Variants in PREB observed in about 807,000 individuals in gnomAD.
PREB encodes prolactin regulatory element binding.
In PREB, 29 loss-of-function variants were observed where a neutral mutation model predicts 46.7. The ratio of observed to expected loss-of-function variants is 0.62; its 90% CI spans 0.46 to 0.85. The LOEUF (loss-of-function observed/expected upper bound fraction) is 0.85, where lower values mean the gene tolerates loss of function less well. Among genes scored for constraint, PREB ranks in the 40% least tolerant of loss-of-function variants. The pLI is 0.00. For synonymous variants in PREB, 224 were observed against 220.1 expected (o/e 1.02, Z -0.16); for missense variants, 494 against 528.4 (o/e 0.93, Z 0.64).
intron 1 of PREB, chr2:27,133,977 GC>G: frequency 1.7e-6 from 1 of 601,818 alleles, no homozygotes; most frequent in East Asian, 2.9e-5. Flanking sequence ...CACTCTCGCC[GC>G]TGCTAGAGGG....
chr2:27,134,095 C>A (rs1057001182), intron 1 of PREB, 192 bp downstream of exon 1: 22 of 790,334 alleles, frequency 2.8e-5, no homozygotes, highest in Middle Eastern at 3.8e-4. Flanking sequence ...TTTCACTTTA[C>A]CTTAAAAGCC....
Position 27,132,149 on chromosome 2 carries a change from G to T in PREB, c.927-67C>A. ...GCAGCAACCCTCATACCCCAATACC[G>T]GTCCGTAGGGACCCAGGCAGGACTC... On this transcript the variant is annotated intron_variant, in intron 6 of 8. Transcript: ENST00000260643. The surrounding 1 kb of genome is among the most constrained non-coding windows in gnomAD (Gnocchi z 4.0). 6.2e-7 allele frequency: 1 copy of T among 1,608,398 alleles called. No individual in the cohort carries two copies. Among genetic ancestry groups the T allele is most frequent in the South Asian group, 1.1e-5 (1 of 90,914 alleles).
In PREB at chr2:27,132,132, C is replaced by T. The variant is rs752824411; in HGVS notation, c.927-50G>A. On this transcript the variant is annotated intron_variant, in intron 6 of 8. Coordinates refer to ENST00000260643, the MANE Select transcript of PREB (RefSeq NM_013388.6). The surrounding 1 kb of genome is among the most constrained non-coding windows in gnomAD (Gnocchi z 4.0). ...TTGTCCTGGAGGCTTGTGCAGCAAC[C>T]CTCATACCCCAATACCGGTCCGTAG... 2.5e-6 allele frequency: 4 copies of T among 1,610,136 alleles called. No individual in the cohort carries two copies. Among genetic ancestry groups the T allele is most frequent in the Admixed American group, 3.3e-5 (2 of 60,016 alleles).
Position 27,131,789 on chromosome 2 carries a change from C to T in PREB, c.1042G>A (p.Asp348Asn), listed in dbSNP as rs1361345793. The change falls in exon 8 of 9, where the codon GAT becomes AAT. Residue 348 changes from aspartate to asparagine, a missense_variant. Transcript: ENST00000260643. ...VREAHGIVVT[D>N]VAFLPEKGRG... is the part of the protein sequence containing the mutation. ...CCCTTCTCAGGTAGAAAGGCCACATCCGTCACCACAATGCCATGGGCCTCC... is the reference window on the plus strand; with the variant it reads ...CCCTTCTCAGGTAGAAAGGCCACATTCGTCACCACAATGCCATGGGCCTCC... The T allele has an allele frequency of 6.8e-6, 11 of 1,614,176 alleles. No individual in the cohort carries two copies. The highest frequency in any genetic ancestry group is 9.3e-6 in the Non-Finnish European group (11 of 1,180,012).
Position 27,132,320 on chromosome 2 carries a change from G to A in PREB, c.836C>T (p.Pro279Leu), listed in dbSNP as rs1222110125. Reference protein sequence around the residue: ...IPHKRLRQPPPCYLTAWDGSN... With the variant: ...IPHKRLRQPPLCYLTAWDGSN... ...GCCATCCCAGGCTGTGAGGTAGCAG[G>A]GAGGGGGCTGGCGCAGGCGCTTGTG... The change falls in exon 6 of 9, where the codon CCC (proline) becomes CTC (leucine). Residue 279 changes from proline (P) to leucine (L), a missense_variant. Pro to Leu is a moderately conservative substitution (Grantham distance 98). Transcript: ENST00000260643. The surrounding 1 kb of genome is among the most constrained non-coding windows in gnomAD (Gnocchi z 4.0). 3 of 1,614,138 alleles carry A rather than the reference G, an allele frequency of 1.9e-6. No homozygotes were observed. The highest frequency in any genetic ancestry group is 2.5e-6 in the Non-Finnish European group (3 of 1,179,992).
rs1372544045 is a variant in PREB at position 27,132,903 on chromosome 2, A to G, written c.567T>C (p.Val189=). The G allele has an allele frequency of 2.5e-6, 4 of 1,613,812 alleles. No individual in the cohort carries two copies. Among genetic ancestry groups the G allele is most frequent in the Non-Finnish European group, 1.7e-6 (2 of 1,179,992 alleles). The change falls in exon 4 of 9, where the codon GTT becomes GTC. Residue 189 remains valine (V), a synonymous_variant. Coordinates refer to ENST00000260643, the MANE Select transcript of PREB (RefSeq NM_013388.6). This position sits in a 1 kb window ranked among gnomAD's most constrained non-coding sequence, Gnocchi z 4.0. The part of the protein sequence containing the change: ...RVWKVPSLEK[V]LEFKAHEGEI... ...CCCCTTCGTGGGCTTTGAACTCCAG[A>G]ACCTTCTCCAGGCTGGGCACCTGTA...
In PREB at chr2:27,133,725, T is replaced by G; in HGVS notation, c.136-4A>C. ...TCAGCTCTAGCTGCAGAAAGTGCTGTGGGAGGGGGAACCCGGATGAGCAAG... is the reference window on the plus strand; with the variant it reads ...TCAGCTCTAGCTGCAGAAAGTGCTGGGGGAGGGGGAACCCGGATGAGCAAG... On this transcript the variant is annotated splice_region_variant and splice_polypyrimidine_tract_variant and intron_variant, in intron 1 of 8. Coordinates refer to ENST00000260643, the MANE Select transcript of PREB (RefSeq NM_013388.6). The G allele has an allele frequency of 6.2e-7, 1 of 1,613,354 alleles. No individual in the cohort carries two copies. Among genetic ancestry groups the G allele is most frequent in the Non-Finnish European group, 8.5e-7 (1 of 1,179,628 alleles).
Position 27,132,521 on chromosome 2 carries a change from G to C in PREB, c.752+82C>G, listed in dbSNP as rs1672322945. ...GTAACACTCAACAAGTTCCTCCCCA[G>C]CTCTCCCATCCCCAGTCTTTTCCCT... is the stretch of plus-strand genomic sequence containing the variant. On this transcript the variant is annotated intron_variant, in intron 5 of 8. Coordinates refer to ENST00000260643, the MANE Select transcript of PREB (RefSeq NM_013388.6). This position sits in a 1 kb window ranked among gnomAD's most constrained non-coding sequence, Gnocchi z 4.0. 2 of 1,599,810 alleles carry C rather than the reference G, an allele frequency of 1.3e-6. No homozygotes were observed. The highest frequency in any genetic ancestry group is 3.4e-5 in the Admixed American group (2 of 59,572).
Position 27,131,334 on chromosome 2 carries a change from G to A in PREB, c.*80C>T. 1 of 1,298,932 alleles carries A rather than the reference G, an allele frequency of 7.7e-7. No homozygotes were observed. Among genetic ancestry groups the A allele is most frequent in the Non-Finnish European group, 1.1e-6 (1 of 919,238 alleles). 80.5% of individuals were successfully genotyped at this position (1,298,932 alleles called of 1,614,324 possible). ...AACCTCAGCTGTGGACCCGAATGGA[G>A]TGAGCAAAGGGAGTCCAGGCCTCCA... On this transcript the variant is annotated 3_prime_UTR_variant, in exon 9 of 9. Coordinates refer to ENST00000260643, the MANE Select transcript of PREB (RefSeq NM_013388.6).
chr2:27,131,536 CG>C (rs748420170), intron 8 of PREB, 28 bp from the exon 9 acceptor site: 14 of 1,598,240 alleles, frequency 8.8e-6, no homozygotes, highest in Non-Finnish European at 1.1e-5. Flanking sequence ...AGGAGGTCAG[CG>C]GGCAAAAGGG....
At position 27,133,666 on chromosome 2, in the gene PREB, G is replaced by A. The variant is rs767252875; in HGVS notation, c.191C>T (p.Ser64Phe). ...GGTGGCCCGTGTCTCTGTGTCATGGGAGTGCAGCAAGGAGGCACTCAAGCG... is the reference window on the plus strand; with the variant it reads ...GGTGGCCCGTGTCTCTGTGTCATGGAAGTGCAGCAAGGAGGCACTCAAGCG... ...NGRLSASLLHSHDTETRATMN... is the reference protein window; with the variant it reads ...NGRLSASLLHFHDTETRATMN... Residue 64 changes from serine (S) to phenylalanine (F), a missense_variant, in exon 2 of 9, where the codon TCC becomes TTC. Coordinates refer to ENST00000260643, the MANE Select transcript of PREB (RefSeq NM_013388.6). 6.2e-7 allele frequency: 1 copy of A among 1,614,208 alleles called. No homozygotes were observed. Among genetic ancestry groups the A allele is most frequent in the Non-Finnish European group, 8.5e-7 (1 of 1,180,042 alleles).
intron 7 of PREB, 33 bp from the exon 8 acceptor site, chr2:27,131,864 C>A (rs1343405782): frequency 1.2e-6 from 2 of 1,609,248 alleles, no homozygotes; most frequent in Admixed American, 1.7e-5. Flanking sequence ...TGAGGAAAGG[C>A]CTAGCTGGGA....
In PREB at chr2:27,134,476, G is replaced by A. The variant is rs1018862046; in HGVS notation, c.-55C>T. The A allele has an allele frequency of 2.1e-4, 298 of 1,428,918 alleles. No individual in the cohort carries two copies. The highest frequency in any genetic ancestry group is 2.7e-4 in the Non-Finnish European group (297 of 1,101,886). The allele number at this position is 1,428,918 out of a possible 1,614,324, so 88.5% of individuals were successfully genotyped here. On this transcript the variant is annotated 5_prime_UTR_variant, in exon 1 of 9. Transcript: ENST00000260643. ...CGCGGCACCCAGGACATGCCGCGCC[G>A]GGCCTTCGACTACTGCCCCGGCGGC...
Position 27,132,829 on chromosome 2 carries a change from C to T in PREB, c.627+14G>A. 6.2e-7 allele frequency: 1 copy of T among 1,613,974 alleles called. No individual in the cohort carries two copies. The highest frequency in any genetic ancestry group is 8.5e-7 in the Non-Finnish European group (1 of 1,179,914). On this transcript the variant is annotated intron_variant, in intron 4 of 8. Transcript: ENST00000260643. The surrounding 1 kb of genome is among the most constrained non-coding windows in gnomAD (Gnocchi z 4.0). ...TCTCCTTTCTCCATCCTCCTCCCAC[C>T]CCCAGCCCCTCACCTTGCCATCAGG...
At chr2:27,133,745 A>G (rs993583974) in intron 1 of PREB, 24 bp from the exon 2 acceptor site, 7 of 1,610,534 alleles carry the variant, frequency 4.3e-6, no homozygotes, top group Admixed American at 3.3e-5. Flanking sequence ...AACCCGGATG[A>G]GCAAGTTCAG....
At chr2:27,133,841 G>C (rs956101969) in intron 1 of PREB, 120 bp from the exon 2 acceptor site, 4 of 1,024,152 alleles carry the variant, frequency 3.9e-6, no homozygotes, top group Non-Finnish European at 5.6e-6. Flanking sequence ...GGTTTCTCGA[G>C]TCTTTTTTCT....
At chr2:27,134,153 A>T (rs1672401889) in intron 1 of PREB, 134 bp downstream of exon 1, 1 of 1,214,572 alleles carries the variant, frequency 8.2e-7, no homozygotes, top group Non-Finnish European at 1.1e-6. Context: ...CCTGGGCGTC[A>T]GGCAAGCGGG....
At position 27,133,215 on chromosome 2, in the gene PREB, C is replaced by G. The variant is rs748643376; in HGVS notation, c.448G>C (p.Asp150His). ...RVENLQAVQT[D>H]FSSDPLQKVV... The stretch of plus-strand genomic sequence containing the variant: ...TTCTGCAGTGGATCGGAGCTAAAGT[C>G]TGTCTGCACCGCCTGCAAATTCTCT... Residue 150 changes from aspartate (D) to histidine (H), a missense_variant, in exon 3 of 9, where the codon GAC becomes CAC. Transcript: ENST00000260643. 1 of 1,614,194 alleles carries G rather than the reference C, an allele frequency of 6.2e-7. No homozygotes were observed. Among genetic ancestry groups the G allele is most frequent in the African/African-American group, 1.3e-5 (1 of 75,052 alleles).
At position 27,132,103 on chromosome 2, in the gene PREB, C is replaced by T. The variant is rs11695930; in HGVS notation, c.927-21G>A. 0.15 allele frequency: 248,646 copies of T among 1,612,996 alleles called. 19,828 individuals carry two copies. Among genetic ancestry groups the T allele is most frequent in the Admixed American group, 0.2 (11,889 of 60,012 alleles). ...ATTCACTGCAACAAACAATAAAGAGCTCATTGTCCTGGAGGCTTGTGCAGC... is the reference window on the plus strand; with the variant it reads ...ATTCACTGCAACAAACAATAAAGAGTTCATTGTCCTGGAGGCTTGTGCAGC... On this transcript the variant is annotated intron_variant, in intron 6 of 8. Coordinates refer to ENST00000260643, the MANE Select transcript of PREB (RefSeq NM_013388.6). The surrounding 1 kb of genome is among the most constrained non-coding windows in gnomAD (Gnocchi z 4.0).
Sources: gnomAD v4.1 joint callset for allele counts on GRCh38, gnomAD v4.1.1 for gene constraint, Gnocchi (gnomAD v3.1) non-coding constraint, MANE v1.5 for transcripts, NCBI Gene and HGNC (gene_info 2026-07-23, HGNC 2026-07-21) for gene names.